The following KCNC2 variants were observed in gnomAD, a reference collection of about 807,000 sequenced individuals.
The protein encoded by KCNC2 is potassium voltage-gated channel subfamily C member 2, also known as voltage-gated potassium channel KCNC2.
A neutral mutation model predicts 44.5 loss-of-function variants in KCNC2; 21 were observed. That is an observed-to-expected ratio of 0.47 (90% confidence interval 0.33 to 0.68). The LOEUF is 0.68. KCNC2 is among the 30% of genes least tolerant of loss of function. The probability of loss-of-function intolerance (pLI) is 0.01; values close to 1 mark genes in which losing one functional copy is unlikely to be tolerated. For missense variants in KCNC2, 589 were observed against 826.2 expected (o/e 0.71, Z 3.52); for synonymous variants, 391 against 339.1 (o/e 1.15, Z -1.68).
chr12:75,092,653 A>G (rs1163160662), intron 2 of KCNC2, among the ~76,000 whole-genome samples: 1 of 151,714 alleles, frequency 6.6e-6, no homozygotes, highest in African/African-American at 2.4e-5. Context: ...TATGATACTC[A>G]ATTGTACAAA....
At chr12:75,143,627 G>C (rs1393796889) in intron 2 of KCNC2, among the ~76,000 whole-genome samples, 1 of 151,970 alleles carries the variant, frequency 6.6e-6, no homozygotes, top group Non-Finnish European at 1.5e-5. Context: ...TAATCAAAAA[G>C]GTTCTAATAG....
At chr12:75,123,496 C>A (rs1446386807) in intron 2 of KCNC2, among the ~76,000 whole-genome samples, 2 of 152,180 alleles carry the variant, frequency 1.3e-5, no homozygotes, top group Non-Finnish European at 2.9e-5. Context: ...CAGTTTCTAA[C>A]CCTTAATTCT....
Position 75,185,797 on chromosome 12 carries a change from G to T in KCNC2, c.687+21500C>A, listed in dbSNP as rs549950791. 2.7e-3 allele frequency among the ~76,000 whole-genome samples: 416 copies of T among 152,142 alleles called. 1 individual carries two copies. The highest frequency in any genetic ancestry group is 9.5e-3 in the African/African-American group (394 of 41,518). On this transcript the variant is annotated intron_variant, in intron 2 of 4. Coordinates refer to ENST00000549446, the MANE Select transcript of KCNC2 (RefSeq NM_139137.4). ...GTGGTGGCTCACTCCTGTAATCCCA[G>T]GATTTGGGGTGGCTGAGGCAGGTGG... is the stretch of plus-strand genomic sequence containing the variant.
Position 75,207,125 on chromosome 12 carries a change from C to A in KCNC2, c.687+172G>T, listed in dbSNP as rs1041166154. 6.6e-6 allele frequency among the ~76,000 whole-genome samples: 1 copy of A among 152,096 alleles called. No homozygotes were observed. The highest frequency in any genetic ancestry group is 2.4e-5 in the African/African-American group (1 of 41,408). ...AGATGGGACTGGGTAGGGATGGTGG[C>A]CGGGGTCCCTGGGTTTACCCTGCAA... is the stretch of plus-strand genomic sequence containing the variant. On this transcript the variant is annotated intron_variant, in intron 2 of 4. Coordinates refer to ENST00000549446, the MANE Select transcript of KCNC2 (RefSeq NM_139137.4). This position sits in a 1 kb window ranked among gnomAD's most constrained non-coding sequence, Gnocchi z 4.1.
chr12:75,134,318 T>C (rs972044894), intron 2 of KCNC2, among the ~76,000 whole-genome samples: 12 of 151,968 alleles, frequency 7.9e-5, no homozygotes, highest in African/African-American at 2.9e-4. Context: ...TACAAGGATA[T>C]AATTATGTTG....
chr12:75,186,705 GA>G (rs1434787249), intron 2 of KCNC2, among the ~76,000 whole-genome samples: 2 of 152,212 alleles, frequency 1.3e-5, no homozygotes, highest in Admixed American at 6.5e-5. Flanking sequence ...CCCCTTGATT[GA>G]AAGAAAAACT....
chr12:75,187,060 G>T (rs1893002817), intron 2 of KCNC2, among the ~76,000 whole-genome samples: 1 of 151,950 alleles, frequency 6.6e-6, no homozygotes, highest in South Asian at 2.1e-4. Flanking sequence ...TTTTAAAAAA[G>T]ATGCCCTAAG....
At chr12:75,091,725 A>G (rs1420681761) in intron 2 of KCNC2, among the ~76,000 whole-genome samples, 2 of 151,686 alleles carry the variant, frequency 1.3e-5, no homozygotes, top group Non-Finnish European at 3.0e-5. Flanking sequence ...ATAGTTCTCA[A>G]AAATAACCTA....
chr12:75,173,154 T>C (rs1273007399), intron 2 of KCNC2, among the ~76,000 whole-genome samples: 2 of 151,904 alleles, frequency 1.3e-5, no homozygotes, highest in Non-Finnish European at 2.9e-5. Flanking sequence ...AATCACAATT[T>C]ACGTCTTCTC....
At chr12:75,154,898 T>C (rs1029124775) in intron 2 of KCNC2, among the ~76,000 whole-genome samples, 3 of 151,978 alleles carry the variant, frequency 2.0e-5, no homozygotes, top group African/African-American at 7.2e-5. Context: ...TTTTACATTT[T>C]TGGACATTTT....
intron 2 of KCNC2, among the ~76,000 whole-genome samples, chr12:75,178,458 CA>C (rs1892342305): frequency 6.6e-6 from 1 of 151,936 alleles, no homozygotes; most frequent in African/African-American, 2.4e-5. Context: ...ATGCTGAAGG[CA>C]GTGTGTAAAG....
At chr12:75,096,527 C>T (rs1350913500) in intron 2 of KCNC2, among the ~76,000 whole-genome samples, 1 of 151,828 alleles carries the variant, frequency 6.6e-6, no homozygotes, top group Non-Finnish European at 1.5e-5. Flanking sequence ...TAGGAAAAAT[C>T]ATATGGACAA....
intron 4 of KCNC2, 191 bp from the exon 5 acceptor site, chr12:75,043,432 T>A (rs1880144965): frequency 7.4e-7 from 1 of 1,348,410 alleles, no homozygotes; most frequent in East Asian, 2.7e-5. Flanking sequence ...TTGAAAAGAT[T>A]AAACCAGCCA....
chr12:75,208,047 C>T (rs1593104507), intron 1 of KCNC2, 45 bp from the exon 2 acceptor site: 1 of 1,598,848 alleles, frequency 6.3e-7, no homozygotes, highest in East Asian at 2.3e-5. Context: ...TCTTAGCCGT[C>T]AAAGACACAC....
chr12:75,166,444 T>TAA (rs139018178), intron 2 of KCNC2, among the ~76,000 whole-genome samples: 29,601 of 140,334 alleles, frequency 0.21, 3,361 homozygotes, highest in African/African-American at 0.3. Flanking sequence ...TCGAATGATC[T>TAA]AAAAAAAAAA....
chr12:75,060,671 A>G (rs998041926), intron 2 of KCNC2, among the ~76,000 whole-genome samples: 3 of 151,756 alleles, frequency 2.0e-5, no homozygotes, highest in African/African-American at 7.3e-5. Flanking sequence ...GGATTTCACC[A>G]TATTTCCCAG....
At chr12:75,162,262 T>C (rs1565903149) in intron 2 of KCNC2, among the ~76,000 whole-genome samples, 1 of 151,778 alleles carries the variant, frequency 6.6e-6, no homozygotes, top group Non-Finnish European at 1.5e-5. Context: ...ACTCAGTTTC[T>C]TTGATGGAAT....
chr12:75,053,774 T>A, intron 2 of KCNC2, among the ~76,000 whole-genome samples: 1 of 147,568 alleles, frequency 6.8e-6, no homozygotes, highest in East Asian at 2.0e-4. Context: ...TATAATTAAA[T>A]AATTATTTTT....
At chr12:75,097,331 A>G (rs1487357945) in intron 2 of KCNC2, among the ~76,000 whole-genome samples, 1 of 152,094 alleles carries the variant, frequency 6.6e-6, no homozygotes, top group Non-Finnish European at 1.5e-5. Context: ...TGTGAATACC[A>G]GTCATTATAC....
Sources: allele counts gnomAD v4.1 joint callset (sites outside exome capture counted in the v4.1 genomes callset), GRCh38; gene constraint gnomAD v4.1.1; non-coding constraint Gnocchi (gnomAD v3.1); transcripts MANE v1.5; gene names NCBI Gene and HGNC (gene_info 2026-07-23, HGNC 2026-07-21).